Variants in EPHB2 observed in about 807,000 individuals in gnomAD.
EPHB2 encodes the protein ephrin type-B receptor 2.
A neutral mutation model predicts 96.4 loss-of-function variants in EPHB2; 18 were observed. The observed-to-expected ratio is 0.19, with a 90% CI of 0.13 to 0.28. The LOEUF (loss-of-function observed/expected upper bound fraction) is 0.28, where lower values mean the gene tolerates loss of function less well. Among genes scored for constraint, EPHB2 ranks in the 10% least tolerant of loss-of-function variants. The pLI, the probability that EPHB2 is intolerant of heterozygous loss-of-function variation, is 1.00. For synonymous variants in EPHB2, 506 were observed against 534.1 expected, an observed-to-expected ratio of 0.95 and a Z score of 0.72; for missense variants, 989 against 1,355.4, an observed-to-expected ratio of 0.73 and a Z score of 4.25.
At chr1:22,897,646 G>A (rs1281778631) in intron 9 of EPHB2, among the ~76,000 whole-genome samples, 2 of 152,060 alleles carry the variant, frequency 1.3e-5, no homozygotes, top group Non-Finnish European at 2.9e-5. Context: ...ATTTAGCCAG[G>A]CATGGTGGTG....
At chr1:22,738,779 G>C (rs1643870973) in intron 1 of EPHB2, among the ~76,000 whole-genome samples, 1 of 152,300 alleles carries the variant, frequency 6.6e-6, no homozygotes, top group Admixed American at 6.5e-5. Context: ...ACTTCTAGGG[G>C]AGGTGAGACC....
At chr1:22,863,683 C>T (rs1222869887) in intron 4 of EPHB2, among the ~76,000 whole-genome samples, 1 of 152,222 alleles carries the variant, frequency 6.6e-6, no homozygotes, top group Non-Finnish European at 1.5e-5. Context: ...CGGATTTATT[C>T]TCTCACCCAA....
rs1040006729 is a variant in EPHB2, at chr1:22,866,135, A to C, written c.1303+923A>C. ...ACCTGAGGGCCACATGAGATTATCG[A>C]GGACATTATGCTATCTGTGGGTAGA... On this transcript the variant is annotated intron_variant, in intron 5 of 15. Coordinates refer to ENST00000374630, the MANE Select transcript of EPHB2 (RefSeq NM_017449.5). Among the ~76,000 whole-genome samples the C allele has an allele frequency of 4.6e-5, 7 of 152,290 alleles. 1 individual carries two copies. Among genetic ancestry groups the C allele is most frequent in the Middle Eastern group, 3.4e-3 (1 of 294 alleles).
At chr1:22,831,550 G>T (rs1645303924) in intron 3 of EPHB2, among the ~76,000 whole-genome samples, 1 of 151,996 alleles carries the variant, frequency 6.6e-6, no homozygotes, top group Non-Finnish European at 1.5e-5. Flanking sequence ...TATGGATGAA[G>T]AAACTGAGGC....
chr1:22,869,677 T>C (rs1446357325), intron 5 of EPHB2, among the ~76,000 whole-genome samples: 1 of 152,174 alleles, frequency 6.6e-6, no homozygotes, highest in African/African-American at 2.4e-5. Context: ...CAGGTTCCCC[T>C]GACGCAGAGT....
At position 22,916,864 on chromosome 1, in the gene EPHB2, G is replaced by C. The variant is rs965004243; in HGVS notation, c.*3294G>C. Reference sequence around the variant, plus strand: ...GTGCAGCGCCAGGCTGGGTAGGAGAGAGCCATGCTACCCACCCGCACCCCT... The same window carrying C: ...GTGCAGCGCCAGGCTGGGTAGGAGACAGCCATGCTACCCACCCGCACCCCT... On this transcript the variant is annotated 3_prime_UTR_variant, in exon 16 of 16. Transcript: ENST00000374630. The surrounding 1 kb of genome is among the most constrained non-coding windows in gnomAD (Gnocchi z 4.2). The C allele has an allele frequency of 2.6e-5, 4 of 152,308 alleles. No individual in the cohort carries two copies. In the South Asian group the frequency reaches 8.3e-4, roughly 32 times the overall value. The allele number at this position is 152,308 out of a possible 1,614,324, so 9.4% of individuals were successfully genotyped here. A position where few individuals can be genotyped will look rare whatever the true frequency, so the allele number is the denominator to read the frequency against.
At position 22,833,717 on chromosome 1, in the gene EPHB2, A is replaced by G. The variant is rs59901342; in HGVS notation, c.812-29320A>G. On this transcript the variant is annotated intron_variant, in intron 3 of 15. Transcript: ENST00000374630. Reference sequence around the variant, plus strand: ...GTTTTAAATGGATTATAAATAAAACATACAAGAGTATAAAGTCAAATACGT... The same window carrying G: ...GTTTTAAATGGATTATAAATAAAACGTACAAGAGTATAAAGTCAAATACGT... Among the ~76,000 whole-genome samples, 343 of 152,350 alleles carry G rather than the reference A, an allele frequency of 2.3e-3. 2 individuals carry two copies. Among genetic ancestry groups the G allele is most frequent in the Non-Finnish European group, 4.4e-3 (300 of 68,034 alleles).
Position 22,803,715 on chromosome 1 carries a change from GTATA to G in EPHB2, c.811+18645_811+18648del, listed in dbSNP as rs1330067015. Among the ~76,000 whole-genome samples, 3 of 147,734 alleles carry G rather than the reference GTATA, an allele frequency of 2.0e-5. No individual in the cohort carries two copies. In the South Asian group the frequency reaches 6.3e-4, roughly 31 times the overall value. On this transcript the variant is annotated intron_variant, in intron 3 of 15. Coordinates refer to ENST00000374630, the MANE Select transcript of EPHB2 (RefSeq NM_017449.5). ...TATGTGTGTATATATATGTATATGT[GTATA>G]TATATGTATATGTGTGTGTGTGTGT...
chr1:22,818,745 C>T (rs1295875039), intron 3 of EPHB2, among the ~76,000 whole-genome samples: 3 of 152,118 alleles, frequency 2.0e-5, no homozygotes, highest in African/African-American at 7.2e-5. Flanking sequence ...TCTTAGCATC[C>T]GTTTATCCGT....
chr1:22,799,184 C>T (rs575933265), intron 3 of EPHB2, among the ~76,000 whole-genome samples: 12 of 152,138 alleles, frequency 7.9e-5, no homozygotes, highest in Admixed American at 1.3e-4. Flanking sequence ...TCAGTGTCAC[C>T]GTCTGTAGAA....
rs1303922675 is a variant in EPHB2 at position 22,913,258 on chromosome 1, G to A, written c.2853-204G>A. Reference sequence around the variant, plus strand: ...AGCAGGGGAGAGAAGGCCCCCTAGGGACCCTGATTCCGACTCAAGTGCTCT... The same window carrying A: ...AGCAGGGGAGAGAAGGCCCCCTAGGAACCCTGATTCCGACTCAAGTGCTCT... On this transcript the variant is annotated intron_variant, in intron 15 of 15. Transcript: ENST00000374630. This position sits in a 1 kb window ranked among gnomAD's most constrained non-coding sequence, Gnocchi z 4.1. The A allele has an allele frequency of 1.6e-6, 1 of 643,392 alleles. No homozygotes were observed. Among genetic ancestry groups the A allele is most frequent in the Admixed American group, 2.5e-5 (1 of 40,816 alleles). 39.9% of individuals were successfully genotyped at this position (643,392 alleles called of 1,614,324 possible). A position where few individuals can be genotyped will look rare whatever the true frequency, so the allele number is the denominator to read the frequency against.
At position 22,784,086 on chromosome 1, in the gene EPHB2, G is replaced by C. The variant is rs1029179356; in HGVS notation, c.127-306G>C. Among the ~76,000 whole-genome samples the C allele has an allele frequency of 6.6e-5, 10 of 152,112 alleles. No individual in the cohort carries two copies. ...AGAAGGAGCTCCCTAAGTGGGGAAG[G>C]GTTCTCCCTATTTTCCCCTTCCAGG... On this transcript the variant is annotated intron_variant, in intron 2 of 15. Transcript: ENST00000374630. This position sits in a 1 kb window ranked among gnomAD's most constrained non-coding sequence, Gnocchi z 5.1.
chr1:22,849,762 G>GA (rs1043708443), intron 3 of EPHB2, among the ~76,000 whole-genome samples: 63 of 151,810 alleles, frequency 4.1e-4, no homozygotes, highest in South Asian at 2.1e-4. Flanking sequence ...CTCTTGGATT[G>GA]AAAAAAAACA....
chr1:22,853,197 T>TA (rs1262665552), intron 3 of EPHB2, among the ~76,000 whole-genome samples: 1 of 152,060 alleles, frequency 6.6e-6, no homozygotes, highest in African/African-American at 2.4e-5. Context: ...AAAAATATGA[T>TA]AAAAAATTAG....
In EPHB2 at chr1:22,866,522, C is replaced by T. The variant is rs1166354597; in HGVS notation, c.1303+1310C>T. ...CAAGTGATCCTCCTGCCTCAGCCTC[C>T]CAAAGTGCTGGGATTACAAACAAGA... On this transcript the variant is annotated intron_variant, in intron 5 of 15. Coordinates refer to ENST00000374630, the MANE Select transcript of EPHB2 (RefSeq NM_017449.5). Among the ~76,000 whole-genome samples the T allele has an allele frequency of 4.6e-5, 7 of 152,138 alleles. No homozygotes were observed. In the East Asian group the frequency reaches 1.2e-3, roughly 26 times the overall value.
intron 5 of EPHB2, among the ~76,000 whole-genome samples, chr1:22,872,020 A>AG (rs1190628646): frequency 2.2e-4 from 1 of 4,630 alleles, no homozygotes; most frequent in African/African-American, 2.2e-4. Context: ...CATCTCAAAG[A>AG]AAAAAAAAAA....
chr1:22,776,830 A>C (rs1437903150), intron 1 of EPHB2, among the ~76,000 whole-genome samples: 1 of 152,216 alleles, frequency 6.6e-6, no homozygotes, highest in African/African-American at 2.4e-5. Context: ...GGCCAACCCT[A>C]GTGGAGCAGA....
chr1:22,721,982 C>G (rs1001885770), intron 1 of EPHB2, among the ~76,000 whole-genome samples: 29 of 152,144 alleles, frequency 1.9e-4, no homozygotes, highest in African/African-American at 6.8e-4. Context: ...GAGTCTCGCT[C>G]TGTTGCCTAA....
At chr1:22,826,871 C>A (rs982842071) in intron 3 of EPHB2, among the ~76,000 whole-genome samples, 6 of 152,258 alleles carry the variant, frequency 3.9e-5, no homozygotes, top group Non-Finnish European at 8.8e-5. Context: ...CAGTCTGGCT[C>A]ACTGTGTCCC....
Sources: gnomAD v4.1 joint callset for allele counts (sites outside exome capture counted in the v4.1 genomes callset) on GRCh38, gnomAD v4.1.1 for gene constraint, Gnocchi (gnomAD v3.1) non-coding constraint, MANE v1.5 for transcripts, NCBI Gene and HGNC (gene_info 2026-07-23, HGNC 2026-07-21) for gene names.